Variants in RALY observed in about 807,000 individuals in gnomAD.
RALY encodes RALY heterogeneous nuclear ribonucleoprotein.
In RALY, 15 loss-of-function variants were observed where a neutral mutation model predicts 30.7. The observed-to-expected ratio is 0.49, with a 90% CI of 0.33 to 0.75. RALY has a LOEUF of 0.75. Among genes scored for constraint, RALY ranks in the 30% least tolerant of loss-of-function variants. The pLI is 0.02. For missense variants in RALY, 339 were observed against 414.3 expected, an observed-to-expected ratio of 0.82 and a Z score of 1.58; for synonymous variants, 177 against 170.8, an observed-to-expected ratio of 1.04 and a Z score of -0.28.
At chr20:34,058,189 T>C (rs1486495004) in intron 2 of RALY, among the ~76,000 whole-genome samples, 1 of 152,152 alleles carries the variant, frequency 6.6e-6, no homozygotes, top group Non-Finnish European at 1.5e-5. Context: ...TTGATGAGTT[T>C]AGAAGTTCAC....
intron 1 of RALY, among the ~76,000 whole-genome samples, chr20:34,002,037 G>A (rs1220157485): frequency 1.3e-5 from 2 of 152,166 alleles, no homozygotes; most frequent in African/African-American, 4.8e-5. Flanking sequence ...AAAGTGCTGG[G>A]ATTACAGGCG....
rs925740146 is a variant in RALY at position 34,081,683 on chromosome 20, A to T, written c.*1778A>T. On this transcript the variant is annotated 3_prime_UTR_variant, in exon 10 of 10. Transcript: ENST00000246194. ...CAAACTCCACCGGGAAGTCTCTCTC[A>T]CTGAGCAGCCCTCCTGCCTGTCATC... 5.3e-5 allele frequency: 8 copies of T among 152,244 alleles called. No individual in the cohort carries two copies. Among genetic ancestry groups the T allele is most frequent in the African/African-American group, 1.7e-4 (7 of 41,442 alleles). 9.4% of individuals were successfully genotyped at this position (152,244 alleles called of 1,614,324 possible). A position where few individuals can be genotyped will look rare whatever the true frequency, so the allele number is the denominator to read the frequency against.
chr20:33,994,634 C>G (rs936060439), intron 1 of RALY, among the ~76,000 whole-genome samples: 1 of 152,180 alleles, frequency 6.6e-6, no homozygotes, highest in Admixed American at 6.5e-5. Flanking sequence ...CTTCTGGGCT[C>G]TTTGCACGCC....
intron 2 of RALY, among the ~76,000 whole-genome samples, chr20:34,052,222 T>A (rs1355462825): frequency 6.6e-6 from 1 of 152,248 alleles, no homozygotes; most frequent in Admixed American, 6.5e-5. Context: ...GTGTGTCTCT[T>A]GGGAACGAGT....
intron 2 of RALY, among the ~76,000 whole-genome samples, chr20:34,032,592 T>G (rs2032327183): frequency 6.6e-6 from 1 of 152,008 alleles, no homozygotes; most frequent in Non-Finnish European, 1.5e-5. Context: ...GCTCGTGTGA[T>G]TCAAGTGGTC....
At chr20:34,000,216 G>T (rs2030850097) in intron 1 of RALY, among the ~76,000 whole-genome samples, 1 of 152,182 alleles carries the variant, frequency 6.6e-6, no homozygotes, top group South Asian at 2.1e-4. Flanking sequence ...TAGAGACAGA[G>T]TGCAGTGGAA....
At chr20:34,032,597 G>A (rs779469531) in intron 2 of RALY, among the ~76,000 whole-genome samples, 59 of 151,978 alleles carry the variant, frequency 3.9e-4, no homozygotes, top group Non-Finnish European at 7.8e-4. Context: ...TGTGATTCAA[G>A]TGGTCCTCCT....
At chr20:34,033,672 G>A (rs1601444693) in intron 2 of RALY, among the ~76,000 whole-genome samples, 2 of 152,060 alleles carry the variant, frequency 1.3e-5, no homozygotes, top group African/African-American at 4.8e-5. Context: ...TGCCCCCAAC[G>A]ATCCAAACCT....
chr20:34,007,780 A>G (rs981501670), intron 1 of RALY, among the ~76,000 whole-genome samples: 3 of 139,730 alleles, frequency 2.1e-5, no homozygotes, highest in African/African-American at 5.3e-5. Context: ...AGATCGCACC[A>G]TTGCACTCCA....
chr20:34,037,733 A>C (rs1449968356), intron 2 of RALY, among the ~76,000 whole-genome samples: 2 of 152,250 alleles, frequency 1.3e-5, no homozygotes, highest in African/African-American at 4.8e-5. Flanking sequence ...AATGTTAGTA[A>C]TTACAGTGAT....
chr20:34,031,803 A>ACAT (rs1236974130), intron 2 of RALY, among the ~76,000 whole-genome samples, 199 bp downstream of exon 2: 1 of 152,126 alleles, frequency 6.6e-6, no homozygotes, highest in Non-Finnish European at 1.5e-5. Flanking sequence ...TTGCCACAAG[A>ACAT]ATGTCTGAGA....
rs1054668259 is a variant in RALY, at chr20:34,084,674, A to G, written c.*4769A>G. 4 of 152,232 alleles carry G rather than the reference A, an allele frequency of 2.6e-5. No individual in the cohort carries two copies. The highest frequency in any genetic ancestry group is 5.9e-5 in the Non-Finnish European group (4 of 68,090). 9.4% of individuals were successfully genotyped at this position (152,232 alleles called of 1,614,324 possible). On this transcript the variant is annotated 3_prime_UTR_variant, in exon 10 of 10. Coordinates refer to ENST00000246194, the MANE Select transcript of RALY (RefSeq NM_016732.3). ...TTGGGACTCTAGCTCTTGGGACCCA[A>G]CCACCATGCTGTGAAGCAGCCCAGG...
intron 2 of RALY, among the ~76,000 whole-genome samples, chr20:34,035,843 G>T (rs949667884): frequency 2.0e-4 from 30 of 152,296 alleles, no homozygotes; most frequent in Admixed American, 3.3e-4. Context: ...GGAGACACTG[G>T]ATTATTAAAG....
intron 2 of RALY, among the ~76,000 whole-genome samples, 157 bp from the exon 3 acceptor site, chr20:34,071,909 G>A (rs1483095058): frequency 6.6e-6 from 1 of 152,176 alleles, no homozygotes; most frequent in East Asian, 1.9e-4. Context: ...GGCAACTCTT[G>A]GTAATATGAC....
chr20:34,034,206 C>T (rs1007632146), intron 2 of RALY, among the ~76,000 whole-genome samples: 2 of 152,200 alleles, frequency 1.3e-5, no homozygotes, highest in African/African-American at 2.4e-5. Context: ...TGTAGCCTCA[C>T]ATTTTATGGA....
chr20:34,023,176 T>C (rs1210119638), intron 1 of RALY, among the ~76,000 whole-genome samples: 2 of 152,224 alleles, frequency 1.3e-5, no homozygotes, highest in Non-Finnish European at 2.9e-5. Context: ...CGTAATTTTT[T>C]CCCCTCATTT....
At chr20:33,995,364 AG>A (rs1465656616) in intron 1 of RALY, among the ~76,000 whole-genome samples, 16 of 152,284 alleles carry the variant, frequency 1.1e-4, no homozygotes, top group Admixed American at 5.2e-4. Context: ...TCCTCCTCCC[AG>A]ACCTTGCAGG....
At chr20:34,009,090 G>A (rs1382682782) in intron 1 of RALY, among the ~76,000 whole-genome samples, 1 of 152,082 alleles carries the variant, frequency 6.6e-6, no homozygotes, top group Admixed American at 6.5e-5. Flanking sequence ...GAAAAAGGAG[G>A]AAGATTTTTG....
intron 2 of RALY, among the ~76,000 whole-genome samples, chr20:34,071,292 TTTC>T (rs1322006579): frequency 8.6e-5 from 13 of 151,928 alleles, no homozygotes; most frequent in African/African-American, 2.9e-4. Flanking sequence ...TTTCTTTTCT[TTTC>T]TTTTTTTTTT....
Sources: gnomAD v4.1 joint callset for allele counts (sites outside exome capture counted in the v4.1 genomes callset) on GRCh38, gnomAD v4.1.1 for gene constraint, MANE v1.5 for transcripts, NCBI Gene and HGNC (gene_info 2026-07-23, HGNC 2026-07-21) for gene names.